ZNF500: variants seen among roughly 807,000 people sequenced by gnomAD.
ZNF500 encodes zinc finger protein 500, also known as zinc finger protein with KRAB and SCAN domains 18.
In ZNF500, 31 loss-of-function variants were observed where a neutral mutation model predicts 30.1. The observed-to-expected ratio is 1.03, with a 90% CI of 0.77 to 1.39. The LOEUF (loss-of-function observed/expected upper bound fraction) is 1.39, where lower values mean the gene tolerates loss of function less well. Ranked by LOEUF, ZNF500 falls within the 40% of genes most tolerant of loss-of-function variation. ZNF500 has a pLI of 0.00. For missense variants in ZNF500, 817 were observed against 657.8 expected, an observed-to-expected ratio of 1.24 and a Z score of -2.65; for synonymous variants, 392 against 282.0, an observed-to-expected ratio of 1.39 and a Z score of -3.91.
chr16:4,758,208 T>G (rs1000411131), intron 5 of ZNF500: 1 of 152,098 alleles, frequency 6.6e-6, no homozygotes, highest in East Asian at 1.9e-4. Flanking sequence ...CCATTTTTTT[T>G]TTTAAGCAAG....
chr16:4,765,835 A>G lies in ZNF500; in HGVS notation c.144T>C (p.Thr48=), dbSNP rs1312905025. 8.1e-6 allele frequency: 13 copies of G among 1,613,542 alleles called. No individual in the cohort carries two copies. Among genetic ancestry groups the G allele is most frequent in the Non-Finnish European group, 1.1e-5 (13 of 1,179,978 alleles). ...AGAAGAGCCGGAAGAGCTGGCGGAA[A>G]GTCTCAGGGCTGGGGTCCTCCGTCT... ...SVETEDPSPE[T]FRQLFRLFCY... The change falls in exon 2 of 6, where the codon ACT becomes ACC. Residue 48 remains threonine (T), a synonymous_variant. Coordinates refer to ENST00000219478, the MANE Select transcript of ZNF500 (RefSeq NM_021646.4).
chr16:4,746,927 C>A, downstream of ZNF500: 1 of 1,555,752 alleles, frequency 6.4e-7, no homozygotes, highest in Non-Finnish European at 8.7e-7. Flanking sequence ...CTCCCTGCAG[C>A]TCCAGCCACA....
chr16:4,755,403 G>A (rs2082125930), intron 5 of ZNF500, among the ~76,000 whole-genome samples: 1 of 152,236 alleles, frequency 6.6e-6, no homozygotes, highest in Admixed American at 6.5e-5. Flanking sequence ...TGTAACCTCT[G>A]CCTCCCAGGT....
chr16:4,765,525 C>A (rs78859259), intron 2 of ZNF500, 40 bp downstream of exon 2: 3 of 1,543,524 alleles, frequency 1.9e-6, no homozygotes, highest in African/African-American at 1.4e-5. Context: ...AGCAGCAGGG[C>A]CCCATTTCCT....
chr16:4,760,360 G>A lies in ZNF500; in HGVS notation c.760+132C>T, dbSNP rs1039893627. ...AGGCCCTGCAGGTGGGACTCTGCAG[G>A]GATACGGGTAGCCCTGTCCACGGAG... On this transcript the variant is annotated intron_variant, in intron 5 of 5. Coordinates refer to ENST00000219478, the MANE Select transcript of ZNF500 (RefSeq NM_021646.4). The A allele has an allele frequency of 2.2e-5, 17 of 762,416 alleles. No individual in the cohort carries two copies. The Admixed American group carries it at 3.6e-4, about 16-fold the overall frequency. The allele number at this position is 762,416 out of a possible 1,614,324, so 47.2% of individuals were successfully genotyped here.
chr16:4,747,623 T>C, downstream of ZNF500: 1 of 1,602,302 alleles, frequency 6.2e-7, no homozygotes, highest in South Asian at 1.1e-5. Context: ...GGAGCAACTA[T>C]AGCTGCCTCA....
At chr16:4,747,395 G>C, downstream of ZNF500, 1 of 1,610,766 alleles carries the variant, frequency 6.2e-7, no homozygotes, top group East Asian at 2.2e-5. Context: ...CTTTCAGAAG[G>C]GGACAGCCCA....
chr16:4,751,502 G>A lies in ZNF500; in HGVS notation c.*874C>T. 5 of 1,425,382 alleles carry A rather than the reference G, an allele frequency of 3.5e-6. No individual in the cohort carries two copies. The South Asian group carries it at 6.6e-5, about 19-fold the overall frequency. The allele number at this position is 1,425,382 out of a possible 1,614,324, so 88.3% of individuals were successfully genotyped here. On this transcript the variant is annotated 3_prime_UTR_variant, in exon 6 of 6. Transcript: ENST00000219478. ...CAGAGCAGCTATGGATCTGCAAAGG[G>A]GACTGGAATGCTGCAGAGCCCCGGG...
At chr16:4,762,843 A>C (rs1596505601) in intron 2 of ZNF500, 87 bp from the exon 3 acceptor site, 3 of 1,451,610 alleles carry the variant, frequency 2.1e-6, no homozygotes, top group Admixed American at 2.4e-5. Flanking sequence ...CATCTCAGGC[A>C]CCCCAGCCGG....
At chr16:4,746,679 G>C (rs772389441), downstream of ZNF500, 8 of 1,029,182 alleles carry the variant, frequency 7.8e-6, no homozygotes, top group Non-Finnish European at 1.1e-5. Flanking sequence ...GGTCCCTGCA[G>C]GGAGGGAAGA....
chr16:4,748,433 G>C lies in ZNF500; in HGVS notation c.*3943C>G, dbSNP rs1456635980. ...TACCTAAGATAGAAAGGCACACATA[G>C]ATTCTCAAGGCCTTTGACCTTTATG... On this transcript the variant is annotated 3_prime_UTR_variant, in exon 6 of 6. Transcript: ENST00000219478. The C allele has an allele frequency of 6.6e-6, 1 of 152,106 alleles. No individual in the cohort carries two copies. Among genetic ancestry groups the C allele is most frequent in the East Asian group, 1.9e-4 (1 of 5,186 alleles). The allele number at this position is 152,106 out of a possible 1,614,324, so 9.4% of individuals were successfully genotyped here. A position where few individuals can be genotyped will look rare whatever the true frequency, so the allele number is the denominator to read the frequency against.
rs1052607989 is a variant in ZNF500 at position 4,764,060 on chromosome 16, G to C, written c.415-1304C>G. The C allele has an allele frequency of 4.1e-6, 4 of 985,274 alleles. No homozygotes were observed. In the African/African-American group the frequency reaches 5.2e-5, roughly 13 times the overall value. 61.0% of individuals were successfully genotyped at this position (985,274 alleles called of 1,614,324 possible). A position where few individuals can be genotyped will look rare whatever the true frequency, so the allele number is the denominator to read the frequency against. On this transcript the variant is annotated intron_variant, in intron 2 of 5. Transcript: ENST00000219478. ...ACTGAAGCAGCAGGAATGAGTAAGA[G>C]GCTTCCTCTACTCCTTCAAATGGGG...
chr16:4,766,040 T>A lies in ZNF500; in HGVS notation c.-62A>T, dbSNP rs1406287393. The A allele has an allele frequency of 2.7e-6, 4 of 1,492,720 alleles. No homozygotes were observed. In the African/African-American group the frequency reaches 4.2e-5, roughly 16 times the overall value. The allele number at this position is 1,492,720 out of a possible 1,614,324, so 92.5% of individuals were successfully genotyped here. ...AGTTGAACCTGTCTCTCTCTATACCTCTGGCCAGACACAGGAAGAGAGTTT... is the reference window on the plus strand; with the variant it reads ...AGTTGAACCTGTCTCTCTCTATACCACTGGCCAGACACAGGAAGAGAGTTT... On this transcript the variant is annotated 5_prime_UTR_variant, in exon 2 of 6. Transcript: ENST00000219478.
intron 3 of ZNF500, 60 bp downstream of exon 3, chr16:4,762,513 A>C (rs991884903): frequency 6.4e-7 from 1 of 1,554,084 alleles, no homozygotes; most frequent in African/African-American, 1.4e-5. Flanking sequence ...TCCACACCCC[A>C]GTCACCTTCA....
rs557891624 is a variant in ZNF500, at chr16:4,767,082, G to A, written c.-164C>T. ...GAGCGGCGGGTCTCGGCGGGAGTAG[G>A]ACTGCGGGCCTCAGGCTTGGCAGCC... On this transcript the variant is annotated 5_prime_UTR_variant, in exon 1 of 6. Transcript: ENST00000219478. 5.2e-5 allele frequency: 8 copies of A among 152,514 alleles called. No individual in the cohort carries two copies. In the South Asian group the frequency reaches 1.7e-3, roughly 32 times the overall value. The allele number at this position is 152,514 out of a possible 1,614,324, so 9.4% of individuals were successfully genotyped here.
At chr16:4,765,483 C>G (rs536922482) in intron 2 of ZNF500, 82 bp downstream of exon 2, 1 of 1,508,484 alleles carries the variant, frequency 6.6e-7, no homozygotes, top group East Asian at 2.3e-5. Flanking sequence ...CTTGGTCACC[C>G]AATGACCAAG....
intron 3 of ZNF500, 114 bp downstream of exon 3, chr16:4,762,459 G>A (rs929412845): frequency 4.6e-6 from 7 of 1,511,620 alleles, no homozygotes; most frequent in East Asian, 2.3e-5. Context: ...TTGCTGGAGA[G>A]CCTGTGCACC....
At position 4,766,056 on chromosome 16, in the gene ZNF500, A is replaced by C. The variant is rs1406549203; in HGVS notation, c.-78T>G. ...CTCTATACCTCTGGCCAGACACAGG[A>C]AGAGAGTTTTTTTCAGGGCCCTGTG... On this transcript the variant is annotated 5_prime_UTR_variant, in exon 2 of 6. Coordinates refer to ENST00000219478, the MANE Select transcript of ZNF500 (RefSeq NM_021646.4). The C allele has an allele frequency of 2.0e-6, 3 of 1,477,052 alleles. No homozygotes were observed. Among genetic ancestry groups the C allele is most frequent in the Non-Finnish European group, 2.7e-6 (3 of 1,116,874 alleles). 91.5% of individuals were successfully genotyped at this position (1,477,052 alleles called of 1,614,324 possible).
chr16:4,765,536 C>T (rs748187336), intron 2 of ZNF500, 29 bp downstream of exon 2: 2 of 1,552,528 alleles, frequency 1.3e-6, no homozygotes, highest in Non-Finnish European at 1.7e-6. Context: ...CCCATTTCCT[C>T]ACCTGAGGGT....
Sources: gnomAD v4.1 joint callset for allele counts (sites outside exome capture counted in the v4.1 genomes callset) on GRCh38, gnomAD v4.1.1 for gene constraint, MANE v1.5 for transcripts, NCBI Gene and HGNC (gene_info 2026-07-23, HGNC 2026-07-21) for gene names.